DST: variants seen among roughly 807,000 people sequenced by gnomAD.
The protein encoded by DST is bullous pemphigoid antigen.
Under a neutral mutation model 875.2 loss-of-function variants are expected in DST, and 253 were observed. That is an observed-to-expected ratio of 0.29 (90% CI 0.26 to 0.32). The LOEUF is 0.32. DST is among the 10% of genes least tolerant of loss of function. The pLI is 1.00. For synonymous variants in DST, 3,124 were observed against 3,197.1 expected, an observed-to-expected ratio of 0.98 and a Z score of 0.77; for missense variants, 8,287 against 9,111.6, an observed-to-expected ratio of 0.91 and a Z score of 3.68.
chr6:56,663,340 T>C (rs1429777021), intron 10 of DST, among the ~76,000 whole-genome samples: 1 of 152,256 alleles, frequency 6.6e-6, no homozygotes, highest in African/African-American at 2.4e-5. Flanking sequence ...ATAAGCAATT[T>C]GATTTTTTCT....
intron 49 of DST, among the ~76,000 whole-genome samples, chr6:56,581,429 T>C (rs534652122): frequency 6.6e-6 from 1 of 152,108 alleles, no homozygotes; most frequent in Non-Finnish European, 1.5e-5. Context: ...AGGTTAACAG[T>C]GTCAACTGCT....
intron 3 of DST, among the ~76,000 whole-genome samples, chr6:56,872,901 T>C (rs1266984367): frequency 1.3e-5 from 2 of 148,942 alleles, no homozygotes. Flanking sequence ...AGTAGTTCTA[T>C]TTTTAGTTTT....
At chr6:56,888,271 T>C (rs1451214419) in intron 3 of DST, among the ~76,000 whole-genome samples, 1 of 152,060 alleles carries the variant, frequency 6.6e-6, no homozygotes, top group African/African-American at 2.4e-5. Flanking sequence ...TTTATAAAAT[T>C]CTATTAATTA....
chr6:56,950,545 G>T lies in DST; in HGVS notation c.216+3240C>A, dbSNP rs543588251. On this transcript the variant is annotated intron_variant, in intron 2 of 103. Transcript: ENST00000680361. ...CAGCATAAAGCATTATAAATCCTCA[G>T]GAAAAGTACACTTCTTAGATAACAG... Among the ~76,000 whole-genome samples, 11 of 152,254 alleles carry T rather than the reference G, an allele frequency of 7.2e-5. No individual in the cohort carries two copies. The East Asian group carries it at 1.9e-3, about 27-fold the overall frequency.
intron 9 of DST, among the ~76,000 whole-genome samples, chr6:56,686,626 T>TA (rs2152851483): frequency 6.6e-6 from 1 of 152,316 alleles, no homozygotes; most frequent in East Asian, 1.9e-4. Context: ...ACATAATAGA[T>TA]ACTTAGTAAA....
At position 56,604,600 on chromosome 6, in the gene DST, T is replaced by C. The variant is rs2098477486; in HGVS notation, c.10028A>G (p.Gln3343Arg). The change falls in exon 40 of 104, where the codon CAG (glutamine) becomes CGG (arginine). Residue 3343 changes from glutamine (Q) to arginine (R), a missense_variant. By Grantham distance (43) the Gln-to-Arg change is conservative. This residue lies in a region of DST where 3,138 missense variants were observed against 3,116.6 expected (regional missense o/e 1.01). Transcript: ENST00000680361. Reference sequence around the variant, plus strand: ...AAATACCTGAGACAATTCAGGAATCTGAACCTCCTTTTCTTGGGATCTTGG... The same window carrying C: ...AAATACCTGAGACAATTCAGGAATCCGAACCTCCTTTTCTTGGGATCTTGG... ...LSPRSQEKEV[Q>R]IPELSQVFVE... 1.2e-6 allele frequency: 2 copies of C among 1,612,066 alleles called. No individual in the cohort carries two copies. Among genetic ancestry groups the C allele is most frequent in the Middle Eastern group, 1.7e-4 (1 of 6,044 alleles).
intron 4 of DST, among the ~76,000 whole-genome samples, chr6:56,781,219 C>T (rs1203635271): frequency 6.6e-6 from 1 of 151,980 alleles, no homozygotes; most frequent in African/African-American, 2.4e-5. Flanking sequence ...CTTTTTGATT[C>T]CATATGAACT....
intron 58 of DST, among the ~76,000 whole-genome samples, chr6:56,559,388 T>G (rs1423446365): frequency 1.3e-5 from 2 of 152,096 alleles, no homozygotes; most frequent in Non-Finnish European, 2.9e-5. Context: ...ATTAAATATA[T>G]CTTTGAACAT....
At chr6:56,884,687 T>C (rs112604742) in intron 3 of DST, among the ~76,000 whole-genome samples, 275 of 152,260 alleles carry the variant, frequency 1.8e-3, no homozygotes, top group African/African-American at 6.3e-3. Flanking sequence ...CAGTAGTCTT[T>C]GATGCTTCCT....
chr6:56,745,799 T>A (rs1299636726), intron 4 of DST, among the ~76,000 whole-genome samples: 1 of 152,140 alleles, frequency 6.6e-6, no homozygotes, highest in African/African-American at 2.4e-5. Flanking sequence ...ATACAATTCA[T>A]AGAAGAAATG....
intron 4 of DST, among the ~76,000 whole-genome samples, chr6:56,750,534 C>G (rs1031446620): frequency 1.3e-5 from 2 of 152,144 alleles, no homozygotes; most frequent in African/African-American, 2.4e-5. Context: ...TCCACAGTCC[C>G]TCCTATCTAT....
chr6:56,776,618 A>C (rs2152984550), intron 4 of DST, among the ~76,000 whole-genome samples: 1 of 152,258 alleles, frequency 6.6e-6, no homozygotes, highest in African/African-American at 2.4e-5. Context: ...GTAAAATCTA[A>C]AGTATTCTAA....
chr6:56,636,398 GTGTGTATATATATACACACATATA>G (rs1245137186), intron 23 of DST, among the ~76,000 whole-genome samples, 135 bp downstream of exon 23: 79 of 150,110 alleles, frequency 5.3e-4, no homozygotes, highest in African/African-American at 1.9e-3. Flanking sequence ...GTATACGTAT[GTGTGTATATATATACACACATATA>G]TGTGTATATA....
intron 63 of DST, among the ~76,000 whole-genome samples, chr6:56,533,588 AAGG>A (rs1457944687): frequency 6.8e-6 from 1 of 147,160 alleles, no homozygotes; most frequent in African/African-American, 2.5e-5. Context: ...CTTTGGCAGC[AAGG>A]AGAACTAATT....
At chr6:56,897,332 A>C (rs1003086860) in intron 3 of DST, among the ~76,000 whole-genome samples, 3 of 143,004 alleles carry the variant, frequency 2.1e-5, no homozygotes, top group African/African-American at 8.0e-5. Flanking sequence ...TTATTTATTT[A>C]TTTATTTATT....
At chr6:56,616,027 A>C in intron 36 of DST, 1 of 1,614,192 alleles carries the variant, frequency 6.2e-7, no homozygotes, top group Non-Finnish European at 8.5e-7. Flanking sequence ...CTTGGGCTTC[A>C]AGGCATCGGA....
intron 15 of DST, among the ~76,000 whole-genome samples, chr6:56,644,397 T>C (rs983105119): frequency 3.3e-5 from 5 of 152,196 alleles, no homozygotes; most frequent in African/African-American, 1.2e-4. Flanking sequence ...TTATGCATTA[T>C]TTCACAACGT....
chr6:56,576,070 G>T (rs923648262), intron 50 of DST, among the ~76,000 whole-genome samples: 12 of 152,066 alleles, frequency 7.9e-5, no homozygotes, highest in African/African-American at 2.9e-4. Context: ...TGCTACCAAT[G>T]GCCAATGATG....
chr6:56,763,836 C>T (rs1751862850), intron 4 of DST, among the ~76,000 whole-genome samples: 1 of 151,962 alleles, frequency 6.6e-6, no homozygotes, highest in Non-Finnish European at 1.5e-5. Context: ...AGTCCTACAT[C>T]ACTTCCAGTT....
Sources: allele counts gnomAD v4.1 joint callset (sites outside exome capture counted in the v4.1 genomes callset), GRCh38; gene constraint gnomAD v4.1.1; regional missense constraint gnomAD v4.1.1; transcripts MANE v1.5; gene names NCBI Gene and HGNC (gene_info 2026-07-23, HGNC 2026-07-21).